Variants in TAPBPL observed in about 807,000 individuals in gnomAD.
TAPBPL encodes the protein TAP binding protein like, also known as tapasin-related protein.
Under a neutral mutation model 44.8 loss-of-function variants are expected in TAPBPL, and 32 were observed. The ratio of observed to expected loss-of-function variants is 0.71; its 90% confidence interval spans 0.54 to 0.96. TAPBPL has a LOEUF of 0.96. Ranked by LOEUF, TAPBPL falls within the 40% of genes least tolerant of loss-of-function variation. The probability of loss-of-function intolerance (pLI) is 0.00; values close to 1 mark genes in which losing one functional copy is unlikely to be tolerated. For missense variants in TAPBPL, 520 were observed against 586.6 expected, an observed-to-expected ratio of 0.89 and a Z score of 1.17; for synonymous variants, 230 against 240.7, an observed-to-expected ratio of 0.96 and a Z score of 0.41.
At chr12:6,457,186 CTA>C (rs1402049482) in intron 3 of TAPBPL, among the ~76,000 whole-genome samples, 1 of 152,118 alleles carries the variant, frequency 6.6e-6, no homozygotes, top group Non-Finnish European at 1.5e-5. Flanking sequence ...CTAAATTATC[CTA>C]GAGTAAGTGA....
rs1949635741 is a variant in TAPBPL at position 6,453,974 on chromosome 12, C to G, written c.565+258C>G. On this transcript the variant is annotated intron_variant, in intron 3 of 6. Transcript: ENST00000266556. The surrounding 1 kb of genome is among the most constrained non-coding windows in gnomAD (Gnocchi z 4.8). ...AGGTTGCGGTGAGCCGAGATCACAC[C>G]ATGGCACTTCAGCCTGGGCAACAAG... Among the ~76,000 whole-genome samples, 1 of 150,640 alleles carries G rather than the reference C, an allele frequency of 6.6e-6. No homozygotes were observed.
At chr12:6,466,232 A>T (rs1555130597), downstream of TAPBPL, 2 of 1,614,078 alleles carry the variant, frequency 1.2e-6, no homozygotes, top group South Asian at 2.2e-5. Context: ...TACCTCCTCC[A>T]CTTGTGCCTG....
At chr12:6,465,469 G>GTATATAT (rs1368603641), downstream of TAPBPL, 5 of 95,838 alleles carry the variant, frequency 5.2e-5, no homozygotes, top group African/African-American at 2.9e-4. Context: ...TATATATAGT[G>GTATATAT]TGTGTGTGTG....
At chr12:6,454,811 A>G (rs1949662047) in intron 3 of TAPBPL, among the ~76,000 whole-genome samples, 1 of 152,144 alleles carries the variant, frequency 6.6e-6, no homozygotes, top group Admixed American at 6.5e-5. Context: ...GGCACAAGAA[A>G]TTGAGAACAT....
Position 6,460,807 on chromosome 12 carries a change from A to G in TAPBPL, c.1208-48A>G, listed in dbSNP as rs200297819. On this transcript the variant is annotated intron_variant, in intron 5 of 6. Transcript: ENST00000266556. Reference sequence around the variant, plus strand: ...GACACTGCAGGTGAGGGCTCAGCTCATGATTCCTGCGCACGATGATCCCCG... The same window carrying G: ...GACACTGCAGGTGAGGGCTCAGCTCGTGATTCCTGCGCACGATGATCCCCG... The G allele has an allele frequency of 3.8e-6, 6 of 1,597,390 alleles. No individual in the cohort carries two copies. In the East Asian group the frequency reaches 6.7e-5, roughly 18 times the overall value.
At chr12:6,459,459 A>G (rs1475669895) in intron 5 of TAPBPL, among the ~76,000 whole-genome samples, 1 of 152,230 alleles carries the variant, frequency 6.6e-6, no homozygotes, top group African/African-American at 2.4e-5. Context: ...AGGTAATTCT[A>G]TTTATTGAGC....
chr12:6,458,506 A>C (rs1205550724), intron 4 of TAPBPL, 139 bp from the exon 5 acceptor site: 9 of 1,016,018 alleles, frequency 8.9e-6, no homozygotes, highest in Admixed American at 2.7e-5. Flanking sequence ...CCCCTCACAC[A>C]CCCCCGCCTT....
downstream of TAPBPL, chr12:6,464,663 A>G: frequency 6.8e-7 from 1 of 1,464,566 alleles, no homozygotes. Context: ...CTTCCTCAGA[A>G]CAGGAGGCGC....
intron 4 of TAPBPL, 136 bp from the exon 5 acceptor site, chr12:6,458,509 C>A: frequency 9.4e-7 from 1 of 1,066,576 alleles, no homozygotes; most frequent in East Asian, 2.5e-5. Context: ...CTCACACACC[C>A]CCGCCTTGGT....
downstream of TAPBPL, among the ~76,000 whole-genome samples, chr12:6,467,681 C>A (rs1208078967): frequency 6.6e-6 from 1 of 152,244 alleles, no homozygotes; most frequent in African/African-American, 2.4e-5. Flanking sequence ...CAGGCCATGT[C>A]AGAAGCCTTC....
At chr12:6,452,523 G>A in intron 1 of TAPBPL, 1 of 1,424,144 alleles carries the variant, frequency 7.0e-7, no homozygotes, top group Non-Finnish European at 9.2e-7. Flanking sequence ...AAATGCTAAA[G>A]AGGGGCTGCC....
At chr12:6,463,403 C>T, downstream of TAPBPL, 1 of 1,059,892 alleles carries the variant, frequency 9.4e-7, no homozygotes, top group Non-Finnish European at 1.1e-6. This position sits in a 1 kb window ranked among gnomAD's most constrained non-coding sequence, Gnocchi z 4.0. Context: ...CCACTTGCCT[C>T]ATCCCTGTCT....
At chr12:6,460,976 A>G in intron 6 of TAPBPL, 38 bp downstream of exon 6, 4 of 1,613,018 alleles carry the variant, frequency 2.5e-6, no homozygotes, top group Non-Finnish European at 3.4e-6. Flanking sequence ...GCCCTGGCCC[A>G]CCTCACCCAC....
In TAPBPL at chr12:6,457,496, G is replaced by A; in HGVS notation, c.656G>A (p.Gly219Asp). The change falls in exon 4 of 7, where the codon GGC becomes GAC. Residue 219 changes from glycine (G) to aspartate (D), a missense_variant. By Grantham distance (94) the Gly-to-Asp change is moderately conservative. Coordinates refer to ENST00000266556, the MANE Select transcript of TAPBPL (RefSeq NM_018009.5). ...GACTGTGGCTTCTCCATGGCACCGG[G>A]CTTGGACCTCATCAGTGTGGAGTGG... ...SLDCGFSMAP[G>D]LDLISVEWRL... is the part of the protein sequence containing the mutation. 1 of 1,614,252 alleles carries A rather than the reference G, an allele frequency of 6.2e-7. No individual in the cohort carries two copies. The highest frequency in any genetic ancestry group is 8.5e-7 in the Non-Finnish European group (1 of 1,180,048).
chr12:6,471,834 AAAAG>A, the TAPBPL span, among the ~76,000 whole-genome samples: 7 of 152,224 alleles, frequency 4.6e-5, no homozygotes, highest in East Asian at 1.9e-4. The surrounding 1 kb of genome is among the most constrained non-coding windows in gnomAD (Gnocchi z 4.0). Context: ...TTCAAAAAAA[AAAAG>A]AAAAAAGGTT....
upstream of TAPBPL, chr12:6,451,878 G>T: frequency 3.0e-6 from 1 of 337,922 alleles, no homozygotes; most frequent in Non-Finnish European, 5.6e-6. Context: ...TGTGGATCCT[G>T]TGTCTGACTT....
chr12:6,461,444 G>A, intron 6 of TAPBPL: 1 of 1,001,772 alleles, frequency 1.0e-6, no homozygotes, highest in Non-Finnish European at 1.2e-6. Flanking sequence ...GAAGGAACAA[G>A]TGAGGGACAA....
downstream of TAPBPL, chr12:6,470,748 G>A (rs1470285188): frequency 4.8e-6 from 3 of 626,522 alleles, no homozygotes; most frequent in Non-Finnish European, 8.5e-6. Context: ...ACAACCCCGC[G>A]GCCCAATCCA....
chr12:6,464,146 G>GC (rs1565524618), downstream of TAPBPL: 25 of 1,391,156 alleles, frequency 1.8e-5, no homozygotes, highest in Non-Finnish European at 2.3e-5. Flanking sequence ...TGGGTACTTC[G>GC]CCTCAGCCAC....
Sources: gnomAD v4.1 joint callset for allele counts (sites outside exome capture counted in the v4.1 genomes callset) on GRCh38, gnomAD v4.1.1 for gene constraint, Gnocchi (gnomAD v3.1) non-coding constraint, MANE v1.5 for transcripts, NCBI Gene and HGNC (gene_info 2026-07-23, HGNC 2026-07-21) for gene names.